TMEM70: variants seen among roughly 807,000 people sequenced by gnomAD.
The protein encoded by TMEM70 is transmembrane protein 70, mitochondrial.
Under a neutral mutation model 20.5 loss-of-function variants are expected in TMEM70, and 15 were observed. That is an observed-to-expected ratio of 0.73 (90% CI 0.49 to 1.13). The LOEUF is 1.13. TMEM70 is among the 50% of genes most tolerant of loss of function. The pLI, the probability that TMEM70 is intolerant of heterozygous loss-of-function variation, is 0.00. For synonymous variants in TMEM70, 141 were observed against 134.2 expected (o/e 1.05, Z -0.35); for missense variants, 344 against 331.7 (o/e 1.04, Z -0.29).
chr8:73,976,919 A>C (rs1446627003), intron 1 of TMEM70, among the ~76,000 whole-genome samples: 1 of 152,220 alleles, frequency 6.6e-6, no homozygotes, highest in Non-Finnish European at 1.5e-5. Context: ...TCCCTGGGAA[A>C]AGGGGGATGC....
In TMEM70 at chr8:73,981,208, T is replaced by C. The variant is rs2131236583; in HGVS notation, c.370T>C (p.Tyr124His). Residue 124 changes from tyrosine (Y) to histidine (H), a missense_variant, in exon 3 of 3, where the codon TAC becomes CAC. Tyr to His is a moderately conservative substitution (Grantham distance 83). Coordinates refer to ENST00000312184, the MANE Select transcript of TMEM70 (RefSeq NM_017866.6). ...TSLIGLTFLP[Y>H]IFTQNNAISE... ...TCTGATTGGCCTTACATTTCTGCCATACATTTTTACACAAAATAATGCTAT... is the reference window on the plus strand; with the variant it reads ...TCTGATTGGCCTTACATTTCTGCCACACATTTTTACACAAAATAATGCTAT... 6.2e-7 allele frequency: 1 copy of C among 1,614,210 alleles called. No individual in the cohort carries two copies. Among genetic ancestry groups the C allele is most frequent in the South Asian group, 1.1e-5 (1 of 91,084 alleles).
chr8:73,979,895 A>AT (rs1022212241), intron 2 of TMEM70, among the ~76,000 whole-genome samples: 4 of 151,954 alleles, frequency 2.6e-5, no homozygotes, highest in East Asian at 3.8e-4. Flanking sequence ...ATTAAAAAAA[A>AT]TTTTTTTTGT....
chr8:73,976,703 T>G (rs1343275848), intron 1 of TMEM70, among the ~76,000 whole-genome samples: 1 of 152,218 alleles, frequency 6.6e-6, no homozygotes, highest in Non-Finnish European at 1.5e-5. Context: ...TGGAAAGTGC[T>G]TACTTTTATG....
chr8:73,981,573 G>T lies in TMEM70; in HGVS notation c.735G>T (p.Leu245Phe), dbSNP rs371278972. The change falls in exon 3 of 3, where the codon TTG becomes TTT. Residue 245 changes from leucine (L) to phenylalanine (F), a missense_variant. Physicochemically the swap from Leu to Phe is conservative, Grantham distance 22. Transcript: ENST00000312184. ...LMGYDKEEFILYMEETSEEKR... is the reference protein window; with the variant it reads ...LMGYDKEEFIFYMEETSEEKR... Reference sequence around the variant, plus strand: ...GTTATGACAAAGAAGAATTTATTTTGTATATGGAAGAAACCAGTGAAGAGA... The same window carrying T: ...GTTATGACAAAGAAGAATTTATTTTTTATATGGAAGAAACCAGTGAAGAGA... 1 of 1,613,118 alleles carries T rather than the reference G, an allele frequency of 6.2e-7. No homozygotes were observed. The highest frequency in any genetic ancestry group is 8.5e-7 in the Non-Finnish European group (1 of 1,179,664).
chr8:73,976,396 G>T lies in TMEM70; in HGVS notation c.115G>T (p.Ala39Ser), dbSNP rs1348678327. The part of the protein sequence containing the change: ...LRGPRASVSR[A>S]SSSSGPSGPV... ...AGGTCCCCGGGCCTCTGTCTCCCGG[G>T]CGTCCTCCAGCAGCGGGCCTTCGGG... Residue 39 changes from alanine (A) to serine (S), a missense_variant, in exon 1 of 3, where the codon GCG (alanine) becomes TCG (serine). Ala to Ser is a moderately conservative substitution (Grantham distance 99). Transcript: ENST00000312184. 1 of 1,589,312 alleles carries T rather than the reference G, an allele frequency of 6.3e-7. No individual in the cohort carries two copies.
Position 73,982,054 on chromosome 8 carries a change from ACT to A in TMEM70, c.*435_*436del, listed in dbSNP as rs2131238030. The A allele has an allele frequency of 2.1e-6, 1 of 467,534 alleles. No individual in the cohort carries two copies. Among genetic ancestry groups the A allele is most frequent in the African/African-American group, 2.0e-5 (1 of 50,724 alleles). The allele number at this position is 467,534 out of a possible 1,614,324, so 29.0% of individuals were successfully genotyped here. A position where few individuals can be genotyped will look rare whatever the true frequency, so the allele number is the denominator to read the frequency against. On this transcript the variant is annotated 3_prime_UTR_variant, in exon 3 of 3. Coordinates refer to ENST00000312184, the MANE Select transcript of TMEM70 (RefSeq NM_017866.6). ...TGTGGTCCACCTGCTCCTGCTCCTGACTCACTGCTCTTTGCTGTTGCCTGAGG... is the reference window on the plus strand; with the variant it reads ...TGTGGTCCACCTGCTCCTGCTCCTGACACTGCTCTTTGCTGTTGCCTGAGG...
chr8:73,977,531 C>T (rs1172334242), intron 1 of TMEM70, among the ~76,000 whole-genome samples: 1 of 152,090 alleles, frequency 6.6e-6, no homozygotes, highest in African/African-American at 2.4e-5. Flanking sequence ...AGGGGATACA[C>T]GGTATTTACA....
chr8:73,982,311 C>T lies in TMEM70; in HGVS notation c.*690C>T, dbSNP rs548874549. 4.3e-5 allele frequency: 28 copies of T among 643,716 alleles called. 2 individuals are homozygous for T. The highest frequency in any genetic ancestry group is 3.5e-4 in the African/African-American group (20 of 56,426). The allele number at this position is 643,716 out of a possible 1,614,324, so 39.9% of individuals were successfully genotyped here. The stretch of plus-strand genomic sequence containing the variant: ...ATGCCTACCAAGACTTTGAGAATCA[C>T]TACAAGAAAAACTTACGGTGAAGGT... On this transcript the variant is annotated 3_prime_UTR_variant, in exon 3 of 3. Coordinates refer to ENST00000312184, the MANE Select transcript of TMEM70 (RefSeq NM_017866.6).
intron 2 of TMEM70, chr8:73,979,079 G>C: frequency 1.5e-6 from 1 of 656,110 alleles, no homozygotes; most frequent in Non-Finnish European, 2.8e-6. Context: ...TGTTGTCCAG[G>C]CTGGAGTGCA....
rs564312396 is a variant in TMEM70, at chr8:73,976,355, C to T, written c.74C>T (p.Ala25Val). ...TGCGGAAGGAGGACTGCATTGTGTG[C>T]GGCCGCCGCGCTCCGAGGTCCCCGG... Reference protein sequence around the residue: ...PLCGRRTALCAAAALRGPRAS... With the variant: ...PLCGRRTALCVAAALRGPRAS... Residue 25 changes from alanine (A) to valine (V), a missense_variant, in exon 1 of 3, where the codon GCG becomes GTG. Physicochemically the swap from Ala to Val is moderately conservative, Grantham distance 64. Coordinates refer to ENST00000312184, the MANE Select transcript of TMEM70 (RefSeq NM_017866.6). 1.3e-6 allele frequency: 2 copies of T among 1,598,954 alleles called. No individual in the cohort carries two copies. Among genetic ancestry groups the T allele is most frequent in the East Asian group, 2.2e-5 (1 of 44,808 alleles).
chr8:73,979,687 A>C (rs1815742397), intron 2 of TMEM70, among the ~76,000 whole-genome samples: 1 of 151,910 alleles, frequency 6.6e-6, no homozygotes, highest in Admixed American at 6.6e-5. Context: ...GTTCACTGCA[A>C]CTTCAAACTT....
At position 73,981,620 on chromosome 8, in the gene TMEM70, G is replaced by C. The variant is rs1330067430; in HGVS notation, c.782G>C (p.Ter261SerextTer17). The change falls in exon 3 of 3, where the codon TGA becomes TCA. Residue 261 changes from the stop codon to serine (S), a stop_lost. Coordinates refer to ENST00000312184, the MANE Select transcript of TMEM70 (RefSeq NM_017866.6). ...SEEKRHKDDK[*>S] ...GAGAAACGGCATAAAGATGACAAAT[G>C]AGCCTATTTGTTAGTGTTCGTGCTC... is the stretch of plus-strand genomic sequence containing the variant. 1.3e-6 allele frequency: 2 copies of C among 1,592,854 alleles called. No homozygotes were observed. Among genetic ancestry groups the C allele is most frequent in the Non-Finnish European group, 1.7e-6 (2 of 1,165,254 alleles).
rs759474445 is a variant in TMEM70 at position 73,978,708 on chromosome 8, A to C, written c.211-48A>C. On this transcript the variant is annotated intron_variant, in intron 1 of 2. Transcript: ENST00000312184. ...ACTCTGTCTCAAAAAAAAAAACTTA[A>C]AAAAATTTAAGAAGGTTAGTTGACC... 6.9e-6 allele frequency: 11 copies of C among 1,605,156 alleles called. No individual in the cohort carries two copies. The Middle Eastern group carries it at 5.0e-4, about 72-fold the overall frequency.
In TMEM70 at chr8:73,982,634, C is replaced by A; in HGVS notation, c.*1013C>A. 2.1e-6 allele frequency: 1 copy of A among 473,676 alleles called. No individual in the cohort carries two copies. The highest frequency in any genetic ancestry group is 1.5e-5 in the South Asian group (1 of 64,684). 29.3% of individuals were successfully genotyped at this position (473,676 alleles called of 1,614,324 possible). ...TGGCATGATTGCCCATAAGAACATA[C>A]ATGTACAGTTGAACTGGTGGTTAGC... On this transcript the variant is annotated 3_prime_UTR_variant, in exon 3 of 3. Coordinates refer to ENST00000312184, the MANE Select transcript of TMEM70 (RefSeq NM_017866.6).
rs754422087 is a variant in TMEM70 at position 73,981,210 on chromosome 8, C to T, written c.372C>T (p.Tyr124=). 2 of 1,614,124 alleles carry T rather than the reference C, an allele frequency of 1.2e-6. No homozygotes were observed. Among genetic ancestry groups the T allele is most frequent in the Non-Finnish European group, 1.7e-6 (2 of 1,180,032 alleles). ...TGATTGGCCTTACATTTCTGCCATA[C>T]ATTTTTACACAAAATAATGCTATTT... ...TSLIGLTFLP[Y]IFTQNNAISE... The change falls in exon 3 of 3, where the codon TAC becomes TAT. Residue 124 remains tyrosine, a synonymous_variant. Transcript: ENST00000312184.
Position 73,981,307 on chromosome 8 carries a change from G to A in TMEM70, c.469G>A (p.Val157Met). The change falls in exon 3 of 3, where the codon GTG (valine) becomes ATG (methionine). Residue 157 changes from valine (V) to methionine (M), a missense_variant. Coordinates refer to ENST00000312184, the MANE Select transcript of TMEM70 (RefSeq NM_017866.6). ...IMGSFTVITPVLLHFITKGYV... is the reference protein window; with the variant it reads ...IMGSFTVITPMLLHFITKGYV... ...GGGAAGCTTTACGGTGATCACCCCA[G>A]TGCTGCTTCACTTTATTACAAAAGG... 2 of 1,614,138 alleles carry A rather than the reference G, an allele frequency of 1.2e-6. No individual in the cohort carries two copies. The highest frequency in any genetic ancestry group is 1.7e-6 in the Non-Finnish European group (2 of 1,180,038).
In TMEM70 at chr8:73,982,629, A is replaced by G. The variant is rs1442235361; in HGVS notation, c.*1008A>G. On this transcript the variant is annotated 3_prime_UTR_variant, in exon 3 of 3. Coordinates refer to ENST00000312184, the MANE Select transcript of TMEM70 (RefSeq NM_017866.6). ...ACCCCTGGCATGATTGCCCATAAGA[A>G]CATACATGTACAGTTGAACTGGTGG... 2 of 473,818 alleles carry G rather than the reference A, an allele frequency of 4.2e-6. No homozygotes were observed. The highest frequency in any genetic ancestry group is 8.4e-6 in the Non-Finnish European group (2 of 239,446). The allele number at this position is 473,818 out of a possible 1,614,324, so 29.4% of individuals were successfully genotyped here.
chr8:73,978,989 A>T (rs939729232), intron 2 of TMEM70, 128 bp downstream of exon 2: 22 of 1,193,806 alleles, frequency 1.8e-5, no homozygotes, highest in Non-Finnish European at 2.2e-5. Context: ...TTAGATTTTC[A>T]TTTTTTTTTC....
At chr8:73,976,863 T>G (rs1268282688) in intron 1 of TMEM70, among the ~76,000 whole-genome samples, 1 of 152,234 alleles carries the variant, frequency 6.6e-6, no homozygotes, top group African/African-American at 2.4e-5. Flanking sequence ...GACTTTGAGC[T>G]TGTTCTACTT....
Sources: gnomAD v4.1 joint callset for allele counts (sites outside exome capture counted in the v4.1 genomes callset) on GRCh38, gnomAD v4.1.1 for gene constraint, MANE v1.5 for transcripts, NCBI Gene and HGNC (gene_info 2026-07-23, HGNC 2026-07-21) for gene names.